Variants in NFIB observed in about 807,000 individuals in gnomAD.
The protein encoded by NFIB is nuclear factor 1 B-type.
In NFIB, 11 loss-of-function variants were observed where a neutral mutation model predicts 61.5. The ratio of observed to expected loss-of-function variants is 0.18; its 90% CI spans 0.11 to 0.30. The LOEUF is 0.30. NFIB is among the 10% of genes least tolerant of loss of function. The pLI is 1.00. For synonymous variants in NFIB, 260 were observed against 216.5 expected, an observed-to-expected ratio of 1.20 and a Z score of -1.76; for missense variants, 471 against 608.9, an observed-to-expected ratio of 0.77 and a Z score of 2.38.
rs1442521290 is a variant in NFIB, at chr9:14,310,143, C to T, written c.31-2623G>A. On this transcript the variant is annotated intron_variant, in intron 1 of 10. Coordinates refer to ENST00000380953, the MANE Select transcript of NFIB (RefSeq NM_001190737.2). ...AATTTTAATGAGTTATTTTAAACAACCAAAATTCAAATTTGAAGGTTGAAT... is the reference window on the plus strand; with the variant it reads ...AATTTTAATGAGTTATTTTAAACAATCAAAATTCAAATTTGAAGGTTGAAT... 2.6e-5 allele frequency among the ~76,000 whole-genome samples: 4 copies of T among 152,114 alleles called. No individual in the cohort carries two copies. The East Asian group carries it at 7.7e-4, about 29-fold the overall frequency.
chr9:14,179,412 A>G (rs1178335557), intron 3 of NFIB, among the ~76,000 whole-genome samples: 5 of 152,198 alleles, frequency 3.3e-5, no homozygotes, highest in Non-Finnish European at 7.3e-5. Flanking sequence ...TAAAAGAAAG[A>G]TTAAAAGGTT....
the NFIB span, among the ~76,000 whole-genome samples, chr9:14,412,145 T>G: frequency 6.6e-6 from 1 of 152,286 alleles, no homozygotes; most frequent in South Asian, 2.1e-4. Flanking sequence ...ACAAGAGATA[T>G]GTATTGTTTT....
At chr9:14,315,660 C>T (rs1430186425), upstream of NFIB, among the ~76,000 whole-genome samples, 1 of 149,830 alleles carries the variant, frequency 6.7e-6, no homozygotes, top group Non-Finnish European at 1.5e-5. Flanking sequence ...ACCCCGTCGC[C>T]CGTGCAGGCT....
chr9:14,340,853 T>C lies in NFIB; in HGVS notation c.109-33333A>G, dbSNP rs1233286538. On this transcript the variant is annotated intron_variant, in intron 1 of 8. Coordinates refer to the NFIB transcript ENST00000380934. ...GTGGTCCGGAAATGAGTTACTGACT[T>C]AGTATAAAAACTGGCCTACTAGAAG... 3.3e-5 allele frequency among the ~76,000 whole-genome samples: 5 copies of C among 151,982 alleles called. No individual in the cohort carries two copies. The East Asian group carries it at 7.7e-4, about 23-fold the overall frequency.
chr9:14,481,193 G>GTC, the NFIB span, among the ~76,000 whole-genome samples: 38 of 30,478 alleles, frequency 1.2e-3, no homozygotes, highest in African/African-American at 6.8e-3. Context: ...GTGTGTGTGT[G>GTC]TGTGTATATA....
chr9:14,525,413 G>T, the NFIB span, among the ~76,000 whole-genome samples: 1 of 152,166 alleles, frequency 6.6e-6, no homozygotes, highest in Non-Finnish European at 1.5e-5. Context: ...GTGCATTTCA[G>T]CAAGTTGCTT....
At chr9:14,211,018 G>A (rs567112555) in intron 2 of NFIB, among the ~76,000 whole-genome samples, 56 of 152,222 alleles carry the variant, frequency 3.7e-4, no homozygotes, top group African/African-American at 1.3e-3. Flanking sequence ...TTTTGTCTCT[G>A]TTTGGACTGA....
the NFIB span, among the ~76,000 whole-genome samples, chr9:14,530,460 C>A: frequency 6.6e-6 from 1 of 151,564 alleles, no homozygotes; most frequent in African/African-American, 2.4e-5. Flanking sequence ...AGGAACTGGC[C>A]TTTCTTTCTG....
intron 2 of NFIB, among the ~76,000 whole-genome samples, chr9:14,269,392 G>T (rs969982746): frequency 6.6e-6 from 1 of 151,980 alleles, no homozygotes; most frequent in South Asian, 2.1e-4. Context: ...AACTATAATC[G>T]TGTCATTTCT....
chr9:14,096,751 T>A (rs2034858798), intron 10 of NFIB: 1 of 152,178 alleles, frequency 6.6e-6, no homozygotes, highest in South Asian at 2.1e-4. Context: ...CCCCTATCGA[T>A]TCAAACGTAA....
At chr9:14,157,698 T>C (rs1358513656) in intron 3 of NFIB, among the ~76,000 whole-genome samples, 1 of 152,172 alleles carries the variant, frequency 6.6e-6, no homozygotes. Context: ...GGACACTGAC[T>C]GTCTTGCCTG....
the NFIB span, among the ~76,000 whole-genome samples, chr9:14,439,917 C>G: frequency 2.0e-5 from 3 of 152,160 alleles, no homozygotes; most frequent in Non-Finnish European, 4.4e-5. Flanking sequence ...ATATCTCAGT[C>G]AATTTCGTCA....
intron 1 of NFIB, among the ~76,000 whole-genome samples, chr9:14,311,965 T>C (rs532477956): frequency 3.9e-5 from 6 of 152,352 alleles, no homozygotes; most frequent in East Asian, 3.9e-4. Context: ...CAATTCGTTA[T>C]ACCTGAAACA....
intron 1 of NFIB, among the ~76,000 whole-genome samples, chr9:14,353,854 T>C (rs1304466176): frequency 2.5e-5 from 2 of 80,688 alleles, no homozygotes; most frequent in East Asian, 5.6e-4. Context: ...GGGTTTTGTC[T>C]TTTTTTTTTT....
At chr9:14,262,848 G>C (rs1304761833) in intron 2 of NFIB, among the ~76,000 whole-genome samples, 6 of 152,094 alleles carry the variant, frequency 3.9e-5, no homozygotes, top group Non-Finnish European at 7.4e-5. Flanking sequence ...AAACTGGCAA[G>C]TTTTGAGATG....
intron 2 of NFIB, among the ~76,000 whole-genome samples, chr9:14,234,884 T>C (rs2131978359): frequency 6.6e-6 from 1 of 151,668 alleles, no homozygotes; most frequent in East Asian, 1.9e-4. Context: ...ATAACAATAG[T>C]GAGGTGAAAT....
chr9:14,498,785 C>CCCTCCCTT, the NFIB span, among the ~76,000 whole-genome samples: 1 of 71,872 alleles, frequency 1.4e-5, no homozygotes, highest in Non-Finnish European at 2.5e-5. Flanking sequence ...CTCCCTCCCT[C>CCCTCCCTT]CCTCCCTCCC....
At chr9:14,412,272 T>C in the NFIB span, among the ~76,000 whole-genome samples, 20 of 152,224 alleles carry the variant, frequency 1.3e-4, no homozygotes, top group African/African-American at 4.8e-4. Context: ...CACTCATCCA[T>C]GTGTCTGACT....
the NFIB span, among the ~76,000 whole-genome samples, chr9:14,496,078 G>A: frequency 6.6e-5 from 10 of 152,294 alleles, no homozygotes; most frequent in South Asian, 8.3e-4. Flanking sequence ...AGTTCAGGGC[G>A]TGGCAAGTAG....
Sources: allele counts gnomAD v4.1 joint callset (sites outside exome capture counted in the v4.1 genomes callset), GRCh38; gene constraint gnomAD v4.1.1; transcripts MANE v1.5; gene names NCBI Gene and HGNC (gene_info 2026-07-23, HGNC 2026-07-21).